SIGLEC9: variants seen among roughly 807,000 people sequenced by gnomAD.
The protein encoded by SIGLEC9 is sialic acid-binding Ig-like lectin 9.
In SIGLEC9, 26 loss-of-function variants were observed where a neutral mutation model predicts 38.3. The ratio of observed to expected loss-of-function variants is 0.68; its 90% CI spans 0.50 to 0.94. The LOEUF (loss-of-function observed/expected upper bound fraction) is 0.94. Among genes scored for constraint, SIGLEC9 ranks in the 40% least tolerant of loss-of-function variants. The pLI is 0.00. For missense variants in SIGLEC9, 556 were observed against 585.7 expected (o/e 0.95, Z 0.52); for synonymous variants, 236 against 248.0 (o/e 0.95, Z 0.45).
Position 51,127,066 on chromosome 19 carries a change from T to C in SIGLEC9, c.785T>C (p.Leu262Pro). 1 of 1,614,134 alleles carries C rather than the reference T, an allele frequency of 6.2e-7. No individual in the cohort carries two copies. Among genetic ancestry groups the C allele is most frequent in the Non-Finnish European group, 8.5e-7 (1 of 1,179,972 alleles). The part of the protein sequence containing the change: ...TVLGNGSSLS[L>P]PEGQSLRLVC... Reference sequence around the variant, plus strand: ...TTGGGAAATGGCTCATCTCTGTCACTCCCAGAGGGCCAGTCTCTGCGCCTG... The same window carrying C: ...TTGGGAAATGGCTCATCTCTGTCACCCCCAGAGGGCCAGTCTCTGCGCCTG... The change falls in exon 4 of 7, where the codon CTC becomes CCC. Residue 262 changes from leucine (L) to proline (P), a missense_variant. Transcript: ENST00000250360.
chr19:51,133,418 CAAAA>C (rs57292401), downstream of SIGLEC9, among the ~76,000 whole-genome samples: 2 of 132,182 alleles, frequency 1.5e-5, no homozygotes, highest in African/African-American at 2.9e-5. Flanking sequence ...ACCAAAAATA[CAAAA>C]AAAAAAAAAA....
At chr19:51,120,212 A>T (rs893913957), upstream of SIGLEC9, 1 of 152,614 alleles carries the variant, frequency 6.6e-6, no homozygotes, top group African/African-American at 2.4e-5. The surrounding 1 kb of genome is among the most constrained non-coding windows in gnomAD (Gnocchi z 4.1). Context: ...CCAGACCTAC[A>T]GCTGCTCCCT....
chr19:51,125,397 T>TC lies in SIGLEC9; in HGVS notation c.421+2_421+3insC, dbSNP rs778702150. On this transcript the variant is annotated splice_region_variant and intron_variant, in intron 1 of 6. Transcript: ENST00000250360. The stretch of plus-strand genomic sequence containing the variant: ...ACCGGCTCTCTGTGAATGTGACAGG[T>TC]AAGGCACAGGCTCCAGGAAAGGCCA... The TC allele has an allele frequency of 3.8e-6, 6 of 1,576,024 alleles. No homozygotes were observed. The African/African-American group carries it at 6.7e-5, about 18-fold the overall frequency.
In SIGLEC9 at chr19:51,127,983, C is replaced by T. The variant is rs554428812; in HGVS notation, c.1050C>T (p.Val350=). The change falls in exon 5 of 7, where the codon GTC becomes GTT. Residue 350 remains valine, a synonymous_variant. Transcript: ENST00000250360. ...CATCAGGAGTGACTCAGGGGGTGGT[C>T]GGGGGAGCTGGAGCCACAGCCCTGG... ...KATSGVTQGV[V]GGAGATALVF... The T allele has an allele frequency of 9.9e-6, 16 of 1,613,880 alleles. No individual in the cohort carries two copies. Among genetic ancestry groups the T allele is most frequent in the African/African-American group, 1.3e-5 (1 of 75,002 alleles).
downstream of SIGLEC9, chr19:51,130,322 C>A: frequency 1.6e-6 from 1 of 617,416 alleles, no homozygotes; most frequent in Non-Finnish European, 2.3e-6. Flanking sequence ...CTCTCTGTAC[C>A]TTGGTTTCCT....
At chr19:51,120,172 A>AC, upstream of SIGLEC9, 1 of 152,912 alleles carries the variant, frequency 6.5e-6, no homozygotes, top group Middle Eastern at 3.3e-3. This position sits in a 1 kb window ranked among gnomAD's most constrained non-coding sequence, Gnocchi z 4.1. Context: ...CAGGAGAAGA[A>AC]CCAGGGCCAG....
chr19:51,134,349 C>G, downstream of SIGLEC9, among the ~76,000 whole-genome samples: 1 of 151,738 alleles, frequency 6.6e-6, no homozygotes, highest in African/African-American at 2.4e-5. Context: ...CCATGTTGGC[C>G]AAGACCACCA....
chr19:51,132,866 C>A (rs2092024333), downstream of SIGLEC9, among the ~76,000 whole-genome samples: 1 of 152,084 alleles, frequency 6.6e-6, no homozygotes, highest in Non-Finnish European at 1.5e-5. Flanking sequence ...AGAAATATAT[C>A]ACGTTCATGG....
At chr19:51,132,744 G>A (rs925757), downstream of SIGLEC9, among the ~76,000 whole-genome samples, 57,954 of 151,896 alleles carry the variant, frequency 0.38, 11,772 homozygotes, top group East Asian at 0.61. Context: ...AAATTACCCA[G>A]CCTCAGATAT....
downstream of SIGLEC9, among the ~76,000 whole-genome samples, chr19:51,133,522 G>T (rs1448930684): frequency 6.6e-6 from 1 of 152,126 alleles, no homozygotes; most frequent in Non-Finnish European, 1.5e-5. Context: ...GGCAGAGGTT[G>T]CAGTGAGCCA....
At chr19:51,124,832 T>TTCC, upstream of SIGLEC9, 1 of 1,041,470 alleles carries the variant, frequency 9.6e-7, no homozygotes, top group Non-Finnish European at 1.4e-6. Context: ...GGGTGTAAAG[T>TTCC]TCCTCCTCTG....
At chr19:51,131,887 G>A (rs185640895), downstream of SIGLEC9, among the ~76,000 whole-genome samples, 2 of 150,866 alleles carry the variant, frequency 1.3e-5, no homozygotes, top group East Asian at 3.9e-4. Context: ...TTGCACTCTA[G>A]CCTGGGCGAC....
chr19:51,128,334 G>C (rs2091992210), intron 5 of SIGLEC9, 80 bp from the exon 6 acceptor site: 10 of 1,507,970 alleles, frequency 6.6e-6, no homozygotes, highest in Non-Finnish European at 9.2e-6. Context: ...TCCCTTAATA[G>C]GAAACACATG....
chr19:51,135,861 T>G, intron 6 of SIGLEC9: 1 of 632,032 alleles, frequency 1.6e-6, no homozygotes, highest in Non-Finnish European at 2.8e-6. Flanking sequence ...CTTAATCTAT[T>G]CTGATGTTAA....
At chr19:51,120,760 T>A, upstream of SIGLEC9, 1 of 179,578 alleles carries the variant, frequency 5.6e-6, no homozygotes. This position sits in a 1 kb window ranked among gnomAD's most constrained non-coding sequence, Gnocchi z 4.1. Context: ...TCAATGTCTC[T>A]TATGAGTGGT....
chr19:51,129,879 C>G lies in SIGLEC9; in HGVS notation c.1204-12C>G, dbSNP rs906820230. The G allele has an allele frequency of 6.4e-7, 1 of 1,559,918 alleles. No homozygotes were observed. Among genetic ancestry groups the G allele is most frequent in the African/African-American group, 1.4e-5 (1 of 73,116 alleles). ...TGTCTGCTCTGACTCACTTCTCTCT[C>G]CCATGTCTCAGGGGCCCCTGACTGA... is the stretch of plus-strand genomic sequence containing the variant. On this transcript the variant is annotated splice_polypyrimidine_tract_variant and intron_variant, in intron 6 of 6. Coordinates refer to ENST00000250360, the MANE Select transcript of SIGLEC9 (RefSeq NM_014441.3).
At position 51,125,313 on chromosome 19, in the gene SIGLEC9, T is replaced by G; in HGVS notation, c.339T>G (p.Asp113Glu). ...GCATCAGAGATGCCAGAAGAAGTGA[T>G]GCGGGGAGATACTTCTTTCGTATGG... ...TLSIRDARRS[D>E]AGRYFFRMEK... The change falls in exon 1 of 7, where the codon GAT becomes GAG. Residue 113 changes from aspartate to glutamate, a missense_variant. Coordinates refer to ENST00000250360, the MANE Select transcript of SIGLEC9 (RefSeq NM_014441.3). 1.2e-6 allele frequency: 2 copies of G among 1,613,314 alleles called. No individual in the cohort carries two copies. The highest frequency in any genetic ancestry group is 1.7e-6 in the Non-Finnish European group (2 of 1,179,678).
At chr19:51,129,521 G>A (rs2122853859) in intron 6 of SIGLEC9, among the ~76,000 whole-genome samples, 1 of 151,938 alleles carries the variant, frequency 6.6e-6, no homozygotes, top group East Asian at 1.9e-4. Context: ...AAGTGAGTGA[G>A]GCTGTTGCCT....
Position 51,129,171 on chromosome 19 carries a change from G to GTTTTTTTTTTTTTTTTTTT in SIGLEC9, c.1203+666_1203+667insTTTTTTTTTTTTTTTTTTT, listed in dbSNP as rs375911468. Among the ~76,000 whole-genome samples, 48 of 139,036 alleles carry GTTTTTTTTTTTTTTTTTTT rather than the reference G, an allele frequency of 3.5e-4. 2 individuals are homozygous for GTTTTTTTTTTTTTTTTTTT. Among genetic ancestry groups the GTTTTTTTTTTTTTTTTTTT allele is most frequent in the African/African-American group, 1.4e-3 (46 of 33,196 alleles). The allele number at this position is 139,036 out of a possible 152,430, so 91.2% of individuals were successfully genotyped here. ...GTTTTTTTTTTTTTTTGTTGTTGTTGTTTTTGAGACAGAGTCTTGCTCTGT... is the reference window on the plus strand; with the variant it reads ...GTTTTTTTTTTTTTTTGTTGTTGTTGTTTTTTTTTTTTTTTTTTTTTTTTGAGACAGAGTCTTGCTCTGT... On this transcript the variant is annotated intron_variant, in intron 6 of 6. Coordinates refer to ENST00000250360, the MANE Select transcript of SIGLEC9 (RefSeq NM_014441.3).
Sources: allele counts gnomAD v4.1 joint callset (sites outside exome capture counted in the v4.1 genomes callset), GRCh38; gene constraint gnomAD v4.1.1; non-coding constraint Gnocchi (gnomAD v3.1); transcripts MANE v1.5; gene names NCBI Gene and HGNC (gene_info 2026-07-23, HGNC 2026-07-21).